Variants in KALRN observed in about 807,000 individuals in gnomAD.
KALRN encodes the protein kalirin.
In KALRN, 70 loss-of-function variants were observed where a neutral mutation model predicts 353.7. The ratio of observed to expected loss-of-function variants is 0.20; its 90% CI spans 0.16 to 0.24. The LOEUF (loss-of-function observed/expected upper bound fraction) is 0.24, where lower values mean the gene tolerates loss of function less well. Ranked by LOEUF, KALRN falls within the 10% of genes least tolerant of loss-of-function variation. The pLI, the probability that KALRN is intolerant of heterozygous loss-of-function variation, is 1.00. For synonymous variants in KALRN, 1,391 were observed against 1,434.8 expected, an observed-to-expected ratio of 0.97 and a Z score of 0.69; for missense variants, 2,791 against 3,756.7, an observed-to-expected ratio of 0.74 and a Z score of 6.72.
intron 34 of KALRN, among the ~76,000 whole-genome samples, chr3:124,605,586 A>AAG (rs1161536035): frequency 1.3e-4 from 19 of 142,324 alleles, no homozygotes; most frequent in Admixed American, 2.8e-4. Context: ...AAAAAAAAAA[A>AAG]AGAGAGAGAG....
chr3:124,223,559 G>A (rs1020731560), intron 1 of KALRN, among the ~76,000 whole-genome samples: 29 of 152,172 alleles, frequency 1.9e-4, no homozygotes, highest in African/African-American at 7.0e-4. Flanking sequence ...GAACCAAAAG[G>A]AAACAAAGAG....
chr3:124,347,282 GTGTGTGT>G lies in KALRN; in HGVS notation c.1770+18_1770+24del. 1 of 824,742 alleles carries G rather than the reference GTGTGTGT, an allele frequency of 1.2e-6. No homozygotes were observed. The highest frequency in any genetic ancestry group is 1.8e-6 in the Non-Finnish European group (1 of 564,822). The allele number at this position is 824,742 out of a possible 1,614,324, so 51.1% of individuals were successfully genotyped here. ...GTGGCTCAGGTGAGAAGCTGTGTGT[GTGTGTGT>G]GTGTGTGTGTGTGTGTGTGTGTGTG... On this transcript the variant is annotated intron_variant, in intron 10 of 59. Coordinates refer to ENST00000682506, the MANE Select transcript of KALRN (RefSeq NM_001388419.1).
chr3:124,041,784 A>G (rs966291179), intron 1 of KALRN, among the ~76,000 whole-genome samples: 1 of 152,220 alleles, frequency 6.6e-6, no homozygotes, highest in Non-Finnish European at 1.5e-5. Context: ...GAAAATAACT[A>G]GGAAATGACT....
At chr3:124,247,843 CAGA>C (rs1485981425) in intron 3 of KALRN, among the ~76,000 whole-genome samples, 3 of 151,924 alleles carry the variant, frequency 2.0e-5, no homozygotes, top group African/African-American at 7.3e-5. Context: ...TCATCAGTTG[CAGA>C]AGATTTCTGT....
At chr3:124,604,246 C>T (rs2077095893) in intron 34 of KALRN, among the ~76,000 whole-genome samples, 1 of 152,086 alleles carries the variant, frequency 6.6e-6, no homozygotes. Context: ...GATGCGCGCA[C>T]CCACTAACTC....
chr3:124,205,742 T>C (rs2076356221), intron 1 of KALRN, among the ~76,000 whole-genome samples: 1 of 152,212 alleles, frequency 6.6e-6, no homozygotes, highest in South Asian at 2.1e-4. Context: ...GTACCTTATG[T>C]TCATATCGCT....
rs2082826660 is a variant in KALRN at position 124,646,911 on chromosome 3, A to G, written c.5665-3897A>G. Among the ~76,000 whole-genome samples, 3 of 152,280 alleles carry G rather than the reference A, an allele frequency of 2.0e-5. No homozygotes were observed. The South Asian group carries it at 6.2e-4, about 32-fold the overall frequency. ...AATTTAAGTTCTGTTTCTCTTTACTATCACATCAGAGACATTGTCCCAAAT... is the reference window on the plus strand; with the variant it reads ...AATTTAAGTTCTGTTTCTCTTTACTGTCACATCAGAGACATTGTCCCAAAT... On this transcript the variant is annotated intron_variant, in intron 37 of 59. Transcript: ENST00000682506.
At chr3:124,460,418 A>G (rs1211899949) in intron 23 of KALRN, among the ~76,000 whole-genome samples, 1 of 152,214 alleles carries the variant, frequency 6.6e-6, no homozygotes, top group Non-Finnish European at 1.5e-5. Context: ...AAAGACAGGT[A>G]AAACTGCAGG....
At chr3:124,417,438 G>A (rs982137392) in intron 14 of KALRN, among the ~76,000 whole-genome samples, 8 of 152,130 alleles carry the variant, frequency 5.3e-5, no homozygotes, top group Non-Finnish European at 7.4e-5. Context: ...AATAAGACAA[G>A]AGCAACGTAC....
intron 1 of KALRN, among the ~76,000 whole-genome samples, chr3:124,209,357 TCAGC>T (rs905097146): frequency 6.6e-6 from 1 of 151,538 alleles, no homozygotes; most frequent in Non-Finnish European, 1.5e-5. Context: ...ATACAAAAAA[TCAGC>T]TGGGTGGTGG....
At chr3:124,400,334 TC>T (rs1158760743) in intron 13 of KALRN, among the ~76,000 whole-genome samples, 1 of 152,166 alleles carries the variant, frequency 6.6e-6, no homozygotes, top group Non-Finnish European at 1.5e-5. Context: ...ACATCTGTAC[TC>T]CTGCCTCCTT....
chr3:124,499,495 T>C (rs948877600), intron 33 of KALRN, among the ~76,000 whole-genome samples: 1 of 152,342 alleles, frequency 6.6e-6, no homozygotes, highest in African/African-American at 2.4e-5. Context: ...TGAATAAGAC[T>C]GCACAATTAT....
At chr3:124,050,900 T>C (rs145625003) in intron 1 of KALRN, among the ~76,000 whole-genome samples, 106 of 152,278 alleles carry the variant, frequency 7.0e-4, no homozygotes, top group Non-Finnish European at 1.3e-3. Flanking sequence ...GCTATAACTA[T>C]CCTAAACTTC....
At chr3:124,177,077 CTA>C (rs992684613) in intron 1 of KALRN, among the ~76,000 whole-genome samples, 1 of 152,208 alleles carries the variant, frequency 6.6e-6, no homozygotes, top group African/African-American at 2.4e-5. Flanking sequence ...AGAGGGCAGT[CTA>C]TCTCTTCTTA....
chr3:124,441,248 C>A (rs1000170623), intron 18 of KALRN, among the ~76,000 whole-genome samples: 5 of 152,146 alleles, frequency 3.3e-5, no homozygotes, highest in African/African-American at 1.2e-4. Flanking sequence ...CCTGAGCTTA[C>A]ACCAGTGGTC....
chr3:124,456,660 G>T lies in KALRN; in HGVS notation c.3786G>T (p.Arg1262=), dbSNP rs1243664117. The change falls in exon 23 of 60, where the codon CGG becomes CGT. Residue 1262 remains arginine, a synonymous_variant. Transcript: ENST00000682506. ...TTATCCCAGCAAGCCTTTCGGATCG[G>T]GAGGTCAAGCTGCGGGACGCCAACC... ...LDIIPASLSD[R]EVKLRDANHE... 5 of 1,613,442 alleles carry T rather than the reference G, an allele frequency of 3.1e-6. No homozygotes were observed. Among genetic ancestry groups the T allele is most frequent in the African/African-American group, 2.7e-5 (2 of 74,910 alleles).
At chr3:124,393,205 A>G (rs532399742) in intron 11 of KALRN, among the ~76,000 whole-genome samples, 1 of 152,252 alleles carries the variant, frequency 6.6e-6, no homozygotes, top group Non-Finnish European at 1.5e-5. Context: ...ACCTCAGGTG[A>G]TCTGCCCACC....
chr3:124,145,580 C>G (rs181549808), intron 1 of KALRN, among the ~76,000 whole-genome samples: 1 of 152,244 alleles, frequency 6.6e-6, no homozygotes, highest in Non-Finnish European at 1.5e-5. Context: ...CTTGCAGTCA[C>G]TGCAGCAGCT....
At chr3:124,358,198 A>C (rs1010748731) in intron 10 of KALRN, among the ~76,000 whole-genome samples, 7 of 152,180 alleles carry the variant, frequency 4.6e-5, no homozygotes, top group African/African-American at 1.7e-4. Context: ...AAAGCTAAAA[A>C]AAAATTCAGA....
Sources: gnomAD v4.1 joint callset for allele counts (sites outside exome capture counted in the v4.1 genomes callset) on GRCh38, gnomAD v4.1.1 for gene constraint, MANE v1.5 for transcripts, NCBI Gene and HGNC (gene_info 2026-07-23, HGNC 2026-07-21) for gene names.